The following EYA1 variants were observed in gnomAD, a reference collection of about 807,000 sequenced individuals.
The protein encoded by EYA1 is protein phosphatase EYA1.
Under a neutral mutation model 82.0 loss-of-function variants are expected in EYA1, and 16 were observed. The observed-to-expected ratio is 0.20, with a 90% CI of 0.13 to 0.30. The LOEUF (loss-of-function observed/expected upper bound fraction) is 0.30, where lower values mean the gene tolerates loss of function less well. EYA1 is among the 10% of genes least tolerant of loss of function. EYA1 has a pLI of 1.00. For missense variants in EYA1, 633 were observed against 730.7 expected (o/e 0.87, Z 1.54); for synonymous variants, 261 against 264.4 (o/e 0.99, Z 0.12).
At chr8:71,359,297 T>C (rs1373732826) in intron 1 of EYA1, among the ~76,000 whole-genome samples, 1 of 152,180 alleles carries the variant, frequency 6.6e-6, no homozygotes, top group East Asian at 1.9e-4. Flanking sequence ...AATTTGTCTC[T>C]CTCATTTTGT....
intron 1 of EYA1, among the ~76,000 whole-genome samples, chr8:71,542,101 T>A (rs934740902): frequency 5.9e-5 from 9 of 152,184 alleles, no homozygotes; most frequent in African/African-American, 2.2e-4. Flanking sequence ...TAGGGCTATA[T>A]GTGCAGGTTT....
At chr8:71,341,501 A>G (rs796845586) in intron 3 of EYA1, among the ~76,000 whole-genome samples, 28 of 152,354 alleles carry the variant, frequency 1.8e-4, no homozygotes, top group African/African-American at 6.5e-4. Context: ...AAAAAGCAAC[A>G]TTGCTAAATT....
intron 2 of EYA1, among the ~76,000 whole-genome samples, chr8:71,515,804 CA>C (rs1373384398): frequency 6.6e-6 from 1 of 152,126 alleles, no homozygotes; most frequent in African/African-American, 2.4e-5. Flanking sequence ...ATAATCCCAA[CA>C]AGACCTTTTG....
At position 71,209,745 on chromosome 8, in the gene EYA1, A is replaced by T. The variant is rs1421937737; in HGVS notation, c.1698+1411T>A. On this transcript the variant is annotated intron_variant, in intron 17 of 17. Transcript: ENST00000340726. ...ATGGAAATATACATGGATTCCTATG[A>T]GGGAGTGTGTAAGGAAGGGAATGGA... is the stretch of plus-strand genomic sequence containing the variant. Among the ~76,000 whole-genome samples, 4 of 152,192 alleles carry T rather than the reference A, an allele frequency of 2.6e-5. No homozygotes were observed. The East Asian group carries it at 7.7e-4, about 29-fold the overall frequency.
chr8:71,399,546 G>A (rs1829833144), intron 2 of EYA1, among the ~76,000 whole-genome samples: 1 of 152,092 alleles, frequency 6.6e-6, no homozygotes, highest in Non-Finnish European at 1.5e-5. Flanking sequence ...ATTCACAATT[G>A]CTATAAGAAG....
At chr8:71,255,329 C>T (rs1814270712) in intron 11 of EYA1, among the ~76,000 whole-genome samples, 1 of 152,172 alleles carries the variant, frequency 6.6e-6, no homozygotes, top group Admixed American at 6.5e-5. Context: ...AAGTGTTACA[C>T]TTGCCAATTT....
chr8:71,524,232 A>G (rs1813645734), intron 2 of EYA1, among the ~76,000 whole-genome samples: 2 of 152,312 alleles, frequency 1.3e-5, no homozygotes, highest in South Asian at 4.1e-4. Flanking sequence ...AACCCTCCCA[A>G]TTTACCAGAT....
chr8:71,249,878 T>C (rs777797332), intron 11 of EYA1, among the ~76,000 whole-genome samples: 1 of 152,182 alleles, frequency 6.6e-6, no homozygotes, highest in Non-Finnish European at 1.5e-5. Flanking sequence ...ACACCTACTG[T>C]ATTCATTCTT....
intron 6 of EYA1, among the ~76,000 whole-genome samples, chr8:71,320,458 G>GA (rs1393259753): frequency 6.6e-6 from 1 of 152,146 alleles, no homozygotes; most frequent in Non-Finnish European, 1.5e-5. Flanking sequence ...TGTAGTCCAA[G>GA]AATAGTTTGA....
intron 2 of EYA1, among the ~76,000 whole-genome samples, chr8:71,401,064 A>T (rs1194155917): frequency 2.0e-5 from 3 of 152,170 alleles, no homozygotes; most frequent in African/African-American, 4.8e-5. Context: ...CATGTTCTCA[A>T]TTATAAGTGT....
upstream of EYA1, chr8:71,362,326 C>G (rs1210947967): frequency 2.2e-6 from 1 of 455,080 alleles, no homozygotes; most frequent in Non-Finnish European, 2.9e-6. Flanking sequence ...CCCACGCTAT[C>G]TGAATAAACA....
rs1817737580 is a variant in EYA1 at position 71,280,849 on chromosome 8, G to A, written c.827-8952C>T. Among the ~76,000 whole-genome samples the A allele has an allele frequency of 2.0e-5, 3 of 152,126 alleles. No homozygotes were observed. The South Asian group carries it at 6.2e-4, about 32-fold the overall frequency. Reference sequence around the variant, plus strand: ...CTGCAGCCTTGACCTCCTGGGCTTAGGTGATCCTTCCACCTTAGCCTCCCA... The same window carrying A: ...CTGCAGCCTTGACCTCCTGGGCTTAAGTGATCCTTCCACCTTAGCCTCCCA... On this transcript the variant is annotated intron_variant, in intron 9 of 17. Coordinates refer to ENST00000340726, the MANE Select transcript of EYA1 (RefSeq NM_000503.6).
chr8:71,460,919 T>C (rs1808312322), intron 2 of EYA1, among the ~76,000 whole-genome samples: 3 of 152,176 alleles, frequency 2.0e-5, no homozygotes, highest in Non-Finnish European at 4.4e-5. Flanking sequence ...GCCTTTGAAG[T>C]CTTTGGCTAG....
At position 71,205,461 on chromosome 8, in the gene EYA1, C is replaced by T. The variant is rs185565991; in HGVS notation, c.1698+5695G>A. On this transcript the variant is annotated intron_variant, in intron 17 of 17. Transcript: ENST00000340726. ...GTGGATTTTGACAACAAAAGACATA[C>T]GTCAAAGGAAGACTTCCATAGGTAG... 1.9e-4 allele frequency among the ~76,000 whole-genome samples: 29 copies of T among 152,082 alleles called. No homozygotes were observed. In the South Asian group the frequency reaches 3.1e-3, roughly 16 times the overall value.
chr8:71,462,717 AGGGGGCCAG>A (rs1451792187), intron 2 of EYA1, among the ~76,000 whole-genome samples: 1 of 152,158 alleles, frequency 6.6e-6, no homozygotes, highest in Non-Finnish European at 1.5e-5. Flanking sequence ...GAGTGGCAAC[AGGGGGCCAG>A]GGTCTGGAGC....
chr8:71,548,046 T>G (rs964035881), exon 1 of EYA1: 1 of 152,188 alleles, frequency 6.6e-6, no homozygotes, highest in Non-Finnish European at 1.5e-5. Flanking sequence ...CTTTCCTCTC[T>G]AAACGCTCCT....
At chr8:71,533,214 G>A (rs974989644) in intron 2 of EYA1, among the ~76,000 whole-genome samples, 2 of 152,166 alleles carry the variant, frequency 1.3e-5, no homozygotes, top group African/African-American at 2.4e-5. Context: ...TAGGTTACAC[G>A]GCTACATCCA....
intron 2 of EYA1, among the ~76,000 whole-genome samples, chr8:71,517,004 G>C (rs747206466): frequency 2.6e-5 from 4 of 152,002 alleles, no homozygotes; most frequent in Non-Finnish European, 5.9e-5. Context: ...AAGAAACCTG[G>C]AATTGTCCTG....
In EYA1 at chr8:71,527,830, G is replaced by A. The variant is rs1459741430; in HGVS notation, c.33+7914C>T. Reference sequence around the variant, plus strand: ...GCAGAGTTATAGGCATGTGATAAGAGATTTTCTGGCCCTGGAAGCCTATAA... The same window carrying A: ...GCAGAGTTATAGGCATGTGATAAGAAATTTTCTGGCCCTGGAAGCCTATAA... On this transcript the variant is annotated intron_variant, in intron 2 of 18. Transcript: ENST00000643681. 2.0e-5 allele frequency among the ~76,000 whole-genome samples: 3 copies of A among 152,174 alleles called. No homozygotes were observed. In the South Asian group the frequency reaches 6.2e-4, roughly 31 times the overall value.
Sources: allele counts gnomAD v4.1 joint callset (sites outside exome capture counted in the v4.1 genomes callset), GRCh38; gene constraint gnomAD v4.1.1; transcripts MANE v1.5; gene names NCBI Gene and HGNC (gene_info 2026-07-23, HGNC 2026-07-21).